Variants in CCDC82 observed in about 807,000 individuals in gnomAD.
The protein encoded by CCDC82 is coiled-coil domain-containing protein 82.
A neutral mutation model predicts 60.6 loss-of-function variants in CCDC82; 47 were observed. The ratio of observed to expected loss-of-function variants is 0.77; its 90% confidence interval spans 0.61 to 0.99. The LOEUF is 0.99. CCDC82 is among the 50% of genes least tolerant of loss of function. CCDC82 has a pLI of 0.00. For missense variants in CCDC82, 588 were observed against 633.0 expected, an observed-to-expected ratio of 0.93 and a Z score of 0.76; for synonymous variants, 212 against 207.4, an observed-to-expected ratio of 1.02 and a Z score of -0.19.
chr11:96,370,068 T>C (rs11021558), intron 7 of CCDC82, among the ~76,000 whole-genome samples: 5 of 152,196 alleles, frequency 3.3e-5, no homozygotes, highest in South Asian at 2.1e-4. Flanking sequence ...ATCCTCCAAC[T>C]TGAAGTCTTT....
At chr11:96,374,823 A>G (rs1319466842) in intron 5 of CCDC82, among the ~76,000 whole-genome samples, 2 of 152,158 alleles carry the variant, frequency 1.3e-5, no homozygotes, top group African/African-American at 4.8e-5. Context: ...CAGATATGTT[A>G]TAAGCAAGTA....
chr11:96,384,539 T>C lies in CCDC82; in HGVS notation c.209A>G (p.Asn70Ser), dbSNP rs775809245. The C allele has an allele frequency of 1.9e-6, 3 of 1,613,744 alleles. No homozygotes were observed. In the South Asian group the frequency reaches 3.3e-5, roughly 18 times the overall value. Residue 70 changes from asparagine (N) to serine (S), a missense_variant, in exon 4 of 10, where the codon AAC becomes AGC. Asn to Ser is a conservative substitution (Grantham distance 46). Coordinates refer to ENST00000646818, the MANE Select transcript of CCDC82 (RefSeq NM_024725.4). The part of the protein sequence containing the change: ...SFENDEELDS[N>S]KGPDCNKTPG... ...TGTTTTATTACAATCAGGTCCCTTG[T>C]TACTATCAAGCTCTTCATCATTTTC...
At position 96,369,988 on chromosome 11, in the gene CCDC82, G is replaced by A. The variant is rs908545268; in HGVS notation, c.1209+1025C>T. Among the ~76,000 whole-genome samples the A allele has an allele frequency of 2.6e-5, 4 of 152,282 alleles. No individual in the cohort carries two copies. The South Asian group carries it at 8.3e-4, about 32-fold the overall frequency. ...CAATAGGTAAATATTTTCCACCTAT[G>A]AAGAAGAAATGGGTTCAGAGAGGTT... On this transcript the variant is annotated intron_variant, in intron 7 of 9. Coordinates refer to ENST00000646818, the MANE Select transcript of CCDC82 (RefSeq NM_024725.4).
intron 3 of CCDC82, chr11:96,385,518 T>G (rs771252700): frequency 6.6e-6 from 1 of 152,164 alleles, no homozygotes; most frequent in Middle Eastern, 3.2e-3. Flanking sequence ...AAGACAGCAG[T>G]GAAAAATTGA....
intron 6 of CCDC82, among the ~76,000 whole-genome samples, chr11:96,372,726 A>T (rs1243881872): frequency 6.9e-6 from 1 of 145,672 alleles, no homozygotes; most frequent in Non-Finnish European, 1.5e-5. Flanking sequence ...ATATTTATAT[A>T]TATAAATATA....
intron 5 of CCDC82, among the ~76,000 whole-genome samples, chr11:96,374,394 G>C (rs528627285): frequency 6.6e-6 from 1 of 152,208 alleles, no homozygotes; most frequent in South Asian, 2.1e-4. Flanking sequence ...TTATATTTTA[G>C]TTACTCAAAG....
chr11:96,376,465 T>C (rs1243517258), intron 5 of CCDC82, among the ~76,000 whole-genome samples: 2 of 151,346 alleles, frequency 1.3e-5, no homozygotes, highest in African/African-American at 2.4e-5. Flanking sequence ...CTTACTCTTG[T>C]CACCCAGGCT....
At position 96,371,154 on chromosome 11, in the gene CCDC82, C is replaced by T. The variant is rs773044407; in HGVS notation, c.1085-17G>A. ...TTGTGCCATCTGTTCAGGGGATAAA[C>T]AACAAAAAAAATCATTTTGTTAATT... On this transcript the variant is annotated splice_polypyrimidine_tract_variant and intron_variant, in intron 6 of 9. Transcript: ENST00000646818. 27 of 1,471,678 alleles carry T rather than the reference C, an allele frequency of 1.8e-5. No individual in the cohort carries two copies. Among genetic ancestry groups the T allele is most frequent in the Non-Finnish European group, 2.4e-5 (27 of 1,107,592 alleles). The allele number at this position is 1,471,678 out of a possible 1,614,324, so 91.2% of individuals were successfully genotyped here. A position where few individuals can be genotyped will look rare whatever the true frequency, so the allele number is the denominator to read the frequency against.
chr11:96,380,605 T>C (rs1183282121), intron 5 of CCDC82: 1 of 151,846 alleles, frequency 6.6e-6, no homozygotes, highest in African/African-American at 2.4e-5. Flanking sequence ...AATAGGTGAA[T>C]GGATGAACAA....
intron 6 of CCDC82, among the ~76,000 whole-genome samples, chr11:96,372,888 T>C (rs1373716667): frequency 6.6e-6 from 1 of 151,604 alleles, no homozygotes; most frequent in African/African-American, 2.4e-5. Context: ...GCGGCACAAA[T>C]GAGAATGATA....
rs376528293 is a variant in CCDC82 at position 96,371,153 on chromosome 11, A to G, written c.1085-16T>C. On this transcript the variant is annotated splice_polypyrimidine_tract_variant and intron_variant, in intron 6 of 9. Transcript: ENST00000646818. The stretch of plus-strand genomic sequence containing the variant: ...CTTGTGCCATCTGTTCAGGGGATAA[A>G]CAACAAAAAAAATCATTTTGTTAAT... 1.9e-4 allele frequency: 282 copies of G among 1,484,538 alleles called. No individual in the cohort carries two copies. Among genetic ancestry groups the G allele is most frequent in the Non-Finnish European group, 2.5e-4 (276 of 1,114,606 alleles). 92.0% of individuals were successfully genotyped at this position (1,484,538 alleles called of 1,614,324 possible).
intron 5 of CCDC82, among the ~76,000 whole-genome samples, chr11:96,374,984 GA>G (rs11394557): frequency 4.1e-5 from 6 of 145,096 alleles, no homozygotes; most frequent in African/African-American, 1.0e-4. Flanking sequence ...AGACCAAAAA[GA>G]AAAAAAAAAG....
intron 8 of CCDC82, among the ~76,000 whole-genome samples, chr11:96,362,051 T>C (rs1258226813): frequency 3.9e-5 from 6 of 152,114 alleles, no homozygotes; most frequent in East Asian, 1.9e-4. Context: ...TATGTAAAAA[T>C]TGGAAATGGA....
chr11:96,353,637 G>A lies in CCDC82; in HGVS notation c.*9C>T. ...AGGAATTTAAAAAATCTTCTCTGAT[G>A]GAAATGTGTTACAACTCAAACTTCT... On this transcript the variant is annotated 3_prime_UTR_variant, in exon 10 of 10. Coordinates refer to ENST00000646818, the MANE Select transcript of CCDC82 (RefSeq NM_024725.4). 6.3e-7 allele frequency: 1 copy of A among 1,589,290 alleles called. No individual in the cohort carries two copies. Among genetic ancestry groups the A allele is most frequent in the Non-Finnish European group, 8.6e-7 (1 of 1,160,050 alleles).
intron 5 of CCDC82, among the ~76,000 whole-genome samples, chr11:96,375,706 T>A (rs898949820): frequency 2.0e-5 from 3 of 152,212 alleles, no homozygotes; most frequent in Non-Finnish European, 4.4e-5. Flanking sequence ...TGGAACCCCA[T>A]CTAAGTCCAG....
At chr11:96,379,330 A>AT (rs1865749720) in intron 5 of CCDC82, among the ~76,000 whole-genome samples, 2 of 151,866 alleles carry the variant, frequency 1.3e-5, no homozygotes, top group South Asian at 4.1e-4. Context: ...TCAATCATAA[A>AT]TTATCACTCT....
At chr11:96,387,153 T>C (rs918962761) in intron 2 of CCDC82, 7 of 152,208 alleles carry the variant, frequency 4.6e-5, no homozygotes, top group Non-Finnish European at 5.9e-5. Flanking sequence ...AAAACATTTA[T>C]GAAAACAATG....
intron 7 of CCDC82, among the ~76,000 whole-genome samples, chr11:96,370,794 G>C (rs1206401427): frequency 6.6e-6 from 1 of 152,154 alleles, no homozygotes; most frequent in Non-Finnish European, 1.5e-5. Context: ...GAGATGTTCT[G>C]AAGTTATTCA....
chr11:96,377,239 G>A (rs536922665), intron 5 of CCDC82, among the ~76,000 whole-genome samples: 1 of 152,228 alleles, frequency 6.6e-6, no homozygotes, highest in Non-Finnish European at 1.5e-5. Flanking sequence ...AGAATGTGAT[G>A]CAAGCCATGA....
Sources: allele counts gnomAD v4.1 joint callset (sites outside exome capture counted in the v4.1 genomes callset), GRCh38; gene constraint gnomAD v4.1.1; transcripts MANE v1.5; gene names NCBI Gene and HGNC (gene_info 2026-07-23, HGNC 2026-07-21).